The following MEI4 variants were observed in gnomAD, a reference collection of about 807,000 sequenced individuals.
MEI4 encodes meiosis-specific protein MEI4.
In MEI4, 27 loss-of-function variants were observed where a neutral mutation model predicts 31.4. The observed-to-expected ratio is 0.86, with a 90% CI of 0.63 to 1.19. The LOEUF is 1.19. MEI4 is among the 50% of genes most tolerant of loss of function. The pLI is 0.00. For synonymous variants in MEI4, 122 were observed against 145.4 expected (o/e 0.84, Z 1.16); for missense variants, 329 against 398.9 (o/e 0.82, Z 1.49).
At chr6:77,756,639 C>CTT (rs1767926221) in intron 2 of MEI4, among the ~76,000 whole-genome samples, 1 of 151,056 alleles carries the variant, frequency 6.6e-6, no homozygotes, top group African/African-American at 2.4e-5. Context: ...CTCTCTCTCT[C>CTT]TTTCTCTCCC....
At chr6:77,755,825 G>GGTGTGTGTGTGTGTGTGT (rs34181852) in intron 2 of MEI4, among the ~76,000 whole-genome samples, 182 of 145,258 alleles carry the variant, frequency 1.3e-3, no homozygotes, top group African/African-American at 3.9e-3. Flanking sequence ...GTGCTGGAAT[G>GGTGTGTGTGTGTGTGTGT]GTGTGTGTGT....
intron 2 of MEI4, among the ~76,000 whole-genome samples, chr6:77,699,938 C>T (rs1383331599): frequency 2.0e-5 from 3 of 151,968 alleles, no homozygotes; most frequent in Non-Finnish European, 4.4e-5. Flanking sequence ...AATGCTGCTG[C>T]CTGATCGCTC....
chr6:77,667,466 C>T (rs941098031), intron 1 of MEI4, among the ~76,000 whole-genome samples: 1 of 152,148 alleles, frequency 6.6e-6, no homozygotes, highest in Non-Finnish European at 1.5e-5. Context: ...GAATTAATCA[C>T]TCCTGTCTGT....
In MEI4 at chr6:77,761,407, A is replaced by C. The variant is rs1391131011; in HGVS notation, c.510A>C (p.Lys170Asn). Residue 170 changes from lysine (K) to asparagine (N), a missense_variant, in exon 3 of 5, where the codon AAA (lysine) becomes AAC (asparagine). By Grantham distance (94) the Lys-to-Asn change is moderately conservative. Transcript: ENST00000684080. The part of the protein sequence containing the change: ...LKNLTESGNL[K>N]RDLTHFEKDS... ...ACTTGACAGAATCAGGTAATCTTAA[A>C]AGAGACTTAACCCACTTTGAAAAAG... is the stretch of plus-strand genomic sequence containing the variant. The C allele has an allele frequency of 8.1e-7, 1 of 1,232,042 alleles. No individual in the cohort carries two copies. Among genetic ancestry groups the C allele is most frequent in the Admixed American group, 4.2e-5 (1 of 23,700 alleles). The allele number at this position is 1,232,042 out of a possible 1,614,324, so 76.3% of individuals were successfully genotyped here.
chr6:77,764,096 A>T (rs1228225568), intron 3 of MEI4, among the ~76,000 whole-genome samples: 1 of 151,752 alleles, frequency 6.6e-6, no homozygotes, highest in East Asian at 1.9e-4. Flanking sequence ...ACAGGTGTGA[A>T]CCACCACACC....
intron 4 of MEI4, among the ~76,000 whole-genome samples, chr6:77,842,483 G>A (rs1305224144): frequency 1.3e-5 from 2 of 151,410 alleles, no homozygotes; most frequent in Non-Finnish European, 2.9e-5. Context: ...AACTAGAATA[G>A]CAAGGAAAAA....
intron 4 of MEI4, among the ~76,000 whole-genome samples, chr6:77,884,639 C>T (rs188176392): frequency 1.3e-5 from 2 of 152,068 alleles, no homozygotes; most frequent in Non-Finnish European, 2.9e-5. Context: ...GTTTCTGATA[C>T]CTTTGTTGAA....
intron 3 of MEI4, among the ~76,000 whole-genome samples, chr6:77,792,075 A>G (rs755507727): frequency 6.6e-6 from 1 of 152,120 alleles, no homozygotes; most frequent in African/African-American, 2.4e-5. Flanking sequence ...TATTTCACCT[A>G]ATGTAATGTC....
At chr6:77,805,569 A>C (rs145628557) in intron 3 of MEI4, among the ~76,000 whole-genome samples, 211 of 152,230 alleles carry the variant, frequency 1.4e-3, no homozygotes, top group African/African-American at 4.5e-3. Context: ...TTACATTTTT[A>C]TAAGTTGTAG....
At chr6:77,920,946 C>T (rs1766689087) in intron 4 of MEI4, among the ~76,000 whole-genome samples, 1 of 151,848 alleles carries the variant, frequency 6.6e-6, no homozygotes, top group Non-Finnish European at 1.5e-5. Flanking sequence ...GTAGATTTAG[C>T]ATAATAAATA....
intron 2 of MEI4, among the ~76,000 whole-genome samples, chr6:77,754,811 G>C (rs1324577773): frequency 1.3e-5 from 2 of 152,068 alleles, no homozygotes; most frequent in Non-Finnish European, 2.9e-5. Flanking sequence ...GGGGGAAAGA[G>C]CCCCTTATAA....
chr6:77,887,187 T>A (rs941010096), intron 4 of MEI4, among the ~76,000 whole-genome samples: 4 of 152,044 alleles, frequency 2.6e-5, no homozygotes, highest in Admixed American at 2.0e-4. Context: ...AAGAGGTTTT[T>A]TTTTTCCTTC....
chr6:77,755,329 G>A (rs2048596), intron 2 of MEI4, among the ~76,000 whole-genome samples: 7,762 of 152,154 alleles, frequency 0.051, 538 homozygotes, highest in African/African-American at 0.15. Context: ...AGGGTTAAGG[G>A]TTCAGCAAAA....
chr6:77,741,128 G>GA (rs1277770681), intron 2 of MEI4, among the ~76,000 whole-genome samples: 8 of 152,114 alleles, frequency 5.3e-5, no homozygotes, highest in Non-Finnish European at 1.2e-4. Flanking sequence ...CACCAGATGG[G>GA]AAAAAACCTG....
At chr6:77,892,314 G>T (rs1025444638) in intron 4 of MEI4, among the ~76,000 whole-genome samples, 3 of 152,096 alleles carry the variant, frequency 2.0e-5, no homozygotes, top group Non-Finnish European at 4.4e-5. Flanking sequence ...AGGTCAGGTT[G>T]ATCTGTTGAT....
intron 3 of MEI4, among the ~76,000 whole-genome samples, chr6:77,778,973 A>C (rs1361630943): frequency 6.6e-6 from 1 of 152,272 alleles, no homozygotes; most frequent in South Asian, 2.1e-4. Flanking sequence ...TGTAAGACAG[A>C]TTTGCAAAGC....
chr6:77,856,773 C>T (rs1044172535), intron 4 of MEI4, among the ~76,000 whole-genome samples: 1 of 151,964 alleles, frequency 6.6e-6, no homozygotes, highest in Non-Finnish European at 1.5e-5. Context: ...ATCTTATCCA[C>T]CGACCTAAGC....
At chr6:77,736,548 G>C (rs537715321) in intron 2 of MEI4, among the ~76,000 whole-genome samples, 4 of 152,084 alleles carry the variant, frequency 2.6e-5, no homozygotes, top group Non-Finnish European at 5.9e-5. Flanking sequence ...ACTCCCTAAT[G>C]AGATGAACCC....
chr6:77,732,167 C>T (rs36141686), intron 2 of MEI4, among the ~76,000 whole-genome samples: 14,063 of 150,798 alleles, frequency 0.093, 940 homozygotes, highest in East Asian at 0.3. Flanking sequence ...CTGTGAAGAA[C>T]GTCATTGGTA....
Sources: allele counts gnomAD v4.1 joint callset (sites outside exome capture counted in the v4.1 genomes callset), GRCh38; gene constraint gnomAD v4.1.1; transcripts MANE v1.5; gene names NCBI Gene and HGNC (gene_info 2026-07-23, HGNC 2026-07-21).